Variants in KCNAB3 observed in about 807,000 individuals in gnomAD.
The protein encoded by KCNAB3 is voltage-gated potassium channel subunit beta-3.
A neutral mutation model predicts 67.7 loss-of-function variants in KCNAB3; 62 were observed. The observed-to-expected ratio is 0.92, with a 90% CI of 0.75 to 1.13. The LOEUF (loss-of-function observed/expected upper bound fraction) is 1.13, where lower values mean the gene tolerates loss of function less well. KCNAB3 is among the 50% of genes most tolerant of loss of function. The pLI is 0.00. For missense variants in KCNAB3, 514 were observed against 522.9 expected, an observed-to-expected ratio of 0.98 and a Z score of 0.17; for synonymous variants, 212 against 205.4, an observed-to-expected ratio of 1.03 and a Z score of -0.27.
chr17:7,929,763 CA>C lies in KCNAB3; in HGVS notation c.-329del. 7 of 1,174,636 alleles carry C rather than the reference CA, an allele frequency of 6.0e-6. No individual in the cohort carries two copies. Among genetic ancestry groups the C allele is most frequent in the South Asian group, 2.0e-5 (1 of 51,032 alleles). The allele number at this position is 1,174,636 out of a possible 1,614,324, so 72.8% of individuals were successfully genotyped here. ...GTAAAGGTCTCGGAGGATAAGGACCCAGGGGGAAGCGGGGCGGGAGAGAGAT... is the reference window on the plus strand; with the variant it reads ...GTAAAGGTCTCGGAGGATAAGGACCCGGGGGAAGCGGGGCGGGAGAGAGAT... On this transcript the variant is annotated 5_prime_UTR_variant, in exon 1 of 14. Transcript: ENST00000303790. The surrounding 1 kb of genome is among the most constrained non-coding windows in gnomAD (Gnocchi z 5.7).
Position 7,922,918 on chromosome 17 carries a change from C to G in KCNAB3, c.*184G>C, listed in dbSNP as rs370695565. 270 of 611,884 alleles carry G rather than the reference C, an allele frequency of 4.4e-4. 8 individuals carry two copies. The South Asian group carries it at 4.9e-3, about 11-fold the overall frequency. The allele number at this position is 611,884 out of a possible 1,614,324, so 37.9% of individuals were successfully genotyped here. The stretch of plus-strand genomic sequence containing the variant: ...GGGCGTGCTACTTTCTCTCTCGACC[C>G]CACTGCAAAAGGATATGGCTTTGTT... On this transcript the variant is annotated 3_prime_UTR_variant, in exon 14 of 14. Coordinates refer to ENST00000303790, the MANE Select transcript of KCNAB3 (RefSeq NM_004732.4).
chr17:7,925,776 G>A (rs925901544), intron 6 of KCNAB3, 50 bp from the exon 7 acceptor site: 50 of 1,611,126 alleles, frequency 3.1e-5, no homozygotes, highest in Middle Eastern at 1.6e-4. Context: ...ATAGGGGACC[G>A]GGGCTGGCTT....
At position 7,929,821 on chromosome 17, in the gene KCNAB3, CTGG is replaced by C; in HGVS notation, c.-389_-387del. 5.6e-6 allele frequency: 6 copies of C among 1,068,912 alleles called. No individual in the cohort carries two copies. The highest frequency in any genetic ancestry group is 5.5e-5 in the South Asian group (2 of 36,450). The allele number at this position is 1,068,912 out of a possible 1,614,324, so 66.2% of individuals were successfully genotyped here. A position where few individuals can be genotyped will look rare whatever the true frequency, so the allele number is the denominator to read the frequency against. ...TCAGCGCGAACCGCTGCGGGACCCG[CTGG>C]GCTCCCAGCCGCGTCGGCAGCGGGC... On this transcript the variant is annotated 5_prime_UTR_variant, in exon 1 of 14. Transcript: ENST00000303790. This position sits in a 1 kb window ranked among gnomAD's most constrained non-coding sequence, Gnocchi z 5.7.
At position 7,922,805 on chromosome 17, in the gene KCNAB3, G is replaced by A. The variant is rs1972076220; in HGVS notation, c.*297C>T. The A allele has an allele frequency of 2.0e-6, 1 of 502,398 alleles. No individual in the cohort carries two copies. Among genetic ancestry groups the A allele is most frequent in the South Asian group, 2.4e-5 (1 of 41,522 alleles). The allele number at this position is 502,398 out of a possible 1,614,324, so 31.1% of individuals were successfully genotyped here. A position where few individuals can be genotyped will look rare whatever the true frequency, so the allele number is the denominator to read the frequency against. On this transcript the variant is annotated 3_prime_UTR_variant, in exon 14 of 14. Coordinates refer to ENST00000303790, the MANE Select transcript of KCNAB3 (RefSeq NM_004732.4). ...CCTCGGGAATAAGGGGAGGAGAGTA[G>A]GGAGCGAGACGAAGTGGCAGAGAGC...
chr17:7,926,512 A>G (rs1433888664), intron 4 of KCNAB3, among the ~76,000 whole-genome samples: 1 of 152,192 alleles, frequency 6.6e-6, no homozygotes, highest in Non-Finnish European at 1.5e-5. Flanking sequence ...TGCCTCATCC[A>G]TAATGTGTTC....
chr17:7,923,980 C>T lies in KCNAB3; in HGVS notation c.915G>A (p.Arg305=). 6.2e-7 allele frequency: 1 copy of T among 1,613,458 alleles called. No homozygotes were observed. Residue 305 remains arginine (R), a synonymous_variant, in exon 11 of 14, where the codon AGG becomes AGA. Coordinates refer to ENST00000303790, the MANE Select transcript of KCNAB3 (RefSeq NM_004732.4). ...KYDGRVPDTC[R]ASIKGYQWLK... is the part of the protein sequence containing the mutation. Reference sequence around the variant, plus strand: ...CCCCAGATCTCACCTTGATGGAGGCCCTGCAAGTATCTGGGACTCGCCCAT... The same window carrying T: ...CCCCAGATCTCACCTTGATGGAGGCTCTGCAAGTATCTGGGACTCGCCCAT...
In KCNAB3 at chr17:7,927,821, A is replaced by G. The variant is rs1236737428; in HGVS notation, c.248T>C (p.Leu83Pro). ...GRGTGMKYRN[L>P]GKSGLRVSCL... ...GGATACCCGAAGACCAGACTTCCCT[A>G]GGTTCCTGCAAGATACAGAAGCAGC... is the stretch of plus-strand genomic sequence containing the variant. Residue 83 changes from leucine (L) to proline (P), a missense_variant, in exon 2 of 14, where the codon CTA becomes CCA. Coordinates refer to ENST00000303790, the MANE Select transcript of KCNAB3 (RefSeq NM_004732.4). The G allele has an allele frequency of 6.2e-7, 1 of 1,614,098 alleles. No individual in the cohort carries two copies. Among genetic ancestry groups the G allele is most frequent in the Non-Finnish European group, 8.5e-7 (1 of 1,180,012 alleles).
Position 7,924,277 on chromosome 17 carries a change from T to C in KCNAB3, c.712-12A>G, listed in dbSNP as rs756440646. The C allele has an allele frequency of 3.1e-6, 5 of 1,613,908 alleles. No homozygotes were observed. The highest frequency in any genetic ancestry group is 3.4e-6 in the Non-Finnish European group (4 of 1,179,936). On this transcript the variant is annotated splice_polypyrimidine_tract_variant and intron_variant, in intron 9 of 13. Coordinates refer to ENST00000303790, the MANE Select transcript of KCNAB3 (RefSeq NM_004732.4). Reference sequence around the variant, plus strand: ...ATGGAGTAGGCCTCCTGGGTTGGGGTTGGGGAAAAGAAAGTGGTCAGAGCA... The same window carrying C: ...ATGGAGTAGGCCTCCTGGGTTGGGGCTGGGGAAAAGAAAGTGGTCAGAGCA...
Position 7,923,030 on chromosome 17 carries a change from A to C in KCNAB3, c.*72T>G. ...GCTGCGTGGAGGGATCCGGAGCGGG[A>C]GAGGCGGCTGCGAGGAGCGGGGCTC... On this transcript the variant is annotated 3_prime_UTR_variant, in exon 14 of 14. Transcript: ENST00000303790. 7.0e-7 allele frequency: 1 copy of C among 1,424,394 alleles called. No homozygotes were observed. Among genetic ancestry groups the C allele is most frequent in the Non-Finnish European group, 9.9e-7 (1 of 1,009,014 alleles). The allele number at this position is 1,424,394 out of a possible 1,614,324, so 88.2% of individuals were successfully genotyped here.
intron 4 of KCNAB3, 114 bp downstream of exon 4, chr17:7,927,230 G>T: frequency 1.0e-6 from 1 of 994,634 alleles, no homozygotes; most frequent in Non-Finnish European, 1.6e-6. Flanking sequence ...CCAAAAGGTT[G>T]GAACTTCACG....
chr17:7,922,802 G>A lies in KCNAB3; in HGVS notation c.*300C>T. 1 of 499,312 alleles carries A rather than the reference G, an allele frequency of 2.0e-6. No individual in the cohort carries two copies. Among genetic ancestry groups the A allele is most frequent in the Non-Finnish European group, 3.7e-6 (1 of 273,318 alleles). The allele number at this position is 499,312 out of a possible 1,614,324, so 30.9% of individuals were successfully genotyped here. On this transcript the variant is annotated 3_prime_UTR_variant, in exon 14 of 14. Coordinates refer to ENST00000303790, the MANE Select transcript of KCNAB3 (RefSeq NM_004732.4). The stretch of plus-strand genomic sequence containing the variant: ...GGGCCTCGGGAATAAGGGGAGGAGA[G>A]TAGGGAGCGAGACGAAGTGGCAGAG...
Position 7,923,530 on chromosome 17 carries a change from T to G in KCNAB3, c.1063A>C (p.Ser355Arg), listed in dbSNP as rs1567890482. The G allele has an allele frequency of 6.2e-7, 1 of 1,610,940 alleles. No homozygotes were observed. The highest frequency in any genetic ancestry group is 1.1e-5 in the South Asian group (1 of 90,388). The change falls in exon 13 of 14, where the codon AGT (serine) becomes CGT (arginine). Residue 355 changes from serine (S) to arginine (R), a missense_variant. By Grantham distance (110) the Ser-to-Arg change is moderately radical. Transcript: ENST00000303790. Reference protein sequence around the residue: ...AQLAIAWCLRSEGVSSVLLGV... With the variant: ...AQLAIAWCLRREGVSSVLLGV... ...AGCAAGACAGAGCTGACACCCTCAC[T>G]GCGGAGACACCACGCTGGGGCCAGA...
rs35440319 is a variant in KCNAB3 at position 7,925,529 on chromosome 17, C to CAAA, written c.538+151_538+153dup. 1,906 of 428,686 alleles carry CAAA rather than the reference C, an allele frequency of 4.4e-3. 54 individuals carry two copies. Among genetic ancestry groups the CAAA allele is most frequent in the South Asian group, 6.5e-3 (276 of 42,438 alleles). 26.6% of individuals were successfully genotyped at this position (428,686 alleles called of 1,614,324 possible). On this transcript the variant is annotated intron_variant, in intron 7 of 13. Transcript: ENST00000303790. ...GGACAACAAGAGTGAAACTCCGTCT[C>CAAA]AAAAAAAAAAAAAAAAAAAAAAGAA...
chr17:7,929,166 G>A lies in KCNAB3; in HGVS notation c.242+28C>T. The A allele has an allele frequency of 1.9e-6, 3 of 1,609,868 alleles. No individual in the cohort carries two copies. The highest frequency in any genetic ancestry group is 2.5e-6 in the Non-Finnish European group (3 of 1,178,850). ...CAGGGGTCCCGAAAGGAAAGCGGAA[G>A]GGGTGGGCTGCCCGGCCACCCCCAT... On this transcript the variant is annotated intron_variant, in intron 1 of 13. Transcript: ENST00000303790. This position sits in a 1 kb window ranked among gnomAD's most constrained non-coding sequence, Gnocchi z 5.7.
In KCNAB3 at chr17:7,922,913, C is replaced by T. The variant is rs1441508489; in HGVS notation, c.*189G>A. 3 of 607,404 alleles carry T rather than the reference C, an allele frequency of 4.9e-6. No homozygotes were observed. Among genetic ancestry groups the T allele is most frequent in the East Asian group, 2.8e-5 (1 of 36,018 alleles). 37.6% of individuals were successfully genotyped at this position (607,404 alleles called of 1,614,324 possible). A position where few individuals can be genotyped will look rare whatever the true frequency, so the allele number is the denominator to read the frequency against. ...GGGGCGGGCGTGCTACTTTCTCTCT[C>T]GACCCCACTGCAAAAGGATATGGCT... On this transcript the variant is annotated 3_prime_UTR_variant, in exon 14 of 14. Coordinates refer to ENST00000303790, the MANE Select transcript of KCNAB3 (RefSeq NM_004732.4).
chr17:7,929,816 ACCCGCTGGGC>A lies in KCNAB3; in HGVS notation c.-391_-382del. 9.8e-7 allele frequency: 1 copy of A among 1,019,426 alleles called. No homozygotes were observed. Among genetic ancestry groups the A allele is most frequent in the Non-Finnish European group, 1.2e-6 (1 of 852,086 alleles). 63.1% of individuals were successfully genotyped at this position (1,019,426 alleles called of 1,614,324 possible). A position where few individuals can be genotyped will look rare whatever the true frequency, so the allele number is the denominator to read the frequency against. ...CCACTTCAGCGCGAACCGCTGCGGG[ACCCGCTGGGC>A]TCCCAGCCGCGTCGGCAGCGGGCCC... On this transcript the variant is annotated 5_prime_UTR_variant, in exon 1 of 14. Transcript: ENST00000303790. This position sits in a 1 kb window ranked among gnomAD's most constrained non-coding sequence, Gnocchi z 5.7.
Position 7,927,804 on chromosome 17 carries a change from G to A in KCNAB3, c.265C>T (p.Arg89Trp), listed in dbSNP as rs142311521. The change falls in exon 2 of 14, where the codon CGG becomes TGG. Residue 89 changes from arginine (R) to tryptophan (W), a missense_variant. By Grantham distance (101) the Arg-to-Trp change is moderately radical (BLOSUM62 -3). Coordinates refer to ENST00000303790, the MANE Select transcript of KCNAB3 (RefSeq NM_004732.4). Reference sequence around the variant, plus strand: ...TCACCTAGGCCAAGACAGGATACCCGAAGACCAGACTTCCCTAGGTTCCTG... The same window carrying A: ...TCACCTAGGCCAAGACAGGATACCCAAAGACCAGACTTCCCTAGGTTCCTG... The part of the protein sequence containing the change: ...KYRNLGKSGL[R>W]VSCLGLGTWV... 105 of 1,614,118 alleles carry A rather than the reference G, an allele frequency of 6.5e-5. 1 individual carries two copies. The African/African-American group carries it at 7.9e-4, about 12-fold the overall frequency.
Position 7,929,675 on chromosome 17 carries a change from A to G in KCNAB3, c.-240T>C. On this transcript the variant is annotated 5_prime_UTR_variant, in exon 1 of 14. Coordinates refer to ENST00000303790, the MANE Select transcript of KCNAB3 (RefSeq NM_004732.4). The surrounding 1 kb of genome is among the most constrained non-coding windows in gnomAD (Gnocchi z 5.7). ...GCGCCAGGAGTGGAGATATTCAGTT[A>G]CGGGGGACACAGGAGCAAGGATTAG... The G allele has an allele frequency of 2.2e-6, 3 of 1,338,740 alleles. No homozygotes were observed. Among genetic ancestry groups the G allele is most frequent in the South Asian group, 3.0e-5 (2 of 65,622 alleles). The allele number at this position is 1,338,740 out of a possible 1,614,324, so 82.9% of individuals were successfully genotyped here.
At chr17:7,927,310 A>C (rs1972264969) in intron 4 of KCNAB3, 34 bp downstream of exon 4, 3 of 1,592,186 alleles carry the variant, frequency 1.9e-6, no homozygotes, top group Non-Finnish European at 2.6e-6. Context: ...TCAGCCTTCC[A>C]AATGGAGCTT....
Sources: allele counts gnomAD v4.1 joint callset (sites outside exome capture counted in the v4.1 genomes callset), GRCh38; gene constraint gnomAD v4.1.1; non-coding constraint Gnocchi (gnomAD v3.1); transcripts MANE v1.5; gene names NCBI Gene and HGNC (gene_info 2026-07-23, HGNC 2026-07-21).